Variants in SPTBN4 observed in about 807,000 individuals in gnomAD.
SPTBN4 encodes spectrin beta, non-erythrocytic 4.
A neutral mutation model predicts 277.8 loss-of-function variants in SPTBN4; 96 were observed. That is an observed-to-expected ratio of 0.35 (90% CI 0.29 to 0.41). The LOEUF (loss-of-function observed/expected upper bound fraction) is 0.41, where lower values mean the gene tolerates loss of function less well. Ranked by LOEUF, SPTBN4 falls within the 10% of genes least tolerant of loss-of-function variation. The pLI is 1.00. For missense variants in SPTBN4, 3,006 were observed against 3,595.7 expected, an observed-to-expected ratio of 0.84 and a Z score of 4.19; for synonymous variants, 1,481 against 1,580.3, an observed-to-expected ratio of 0.94 and a Z score of 1.49.
chr19:40,538,011 C>G (rs1828358371), intron 20 of SPTBN4, among the ~76,000 whole-genome samples: 1 of 152,188 alleles, frequency 6.6e-6, no homozygotes, highest in African/African-American at 2.4e-5. Context: ...TTGCTCCTCC[C>G]TAGCCAGAGA....
At chr19:40,474,886 C>T (rs2079929583) in intron 2 of SPTBN4, among the ~76,000 whole-genome samples, 1 of 152,028 alleles carries the variant, frequency 6.6e-6, no homozygotes, top group Non-Finnish European at 1.5e-5. Flanking sequence ...GAGCTTAACT[C>T]CGTCTCAAAA....
intron 7 of SPTBN4, among the ~76,000 whole-genome samples, chr19:40,501,526 G>A (rs1902921712): frequency 6.6e-6 from 1 of 152,074 alleles, no homozygotes; most frequent in Admixed American, 6.6e-5. Context: ...AAATTAGCCA[G>A]GCATGGTGGT....
intron 7 of SPTBN4, among the ~76,000 whole-genome samples, chr19:40,498,765 G>A (rs943849197): frequency 1.3e-5 from 2 of 151,506 alleles, no homozygotes; most frequent in African/African-American, 4.9e-5. Context: ...GCAGTGCCAT[G>A]ATCTCGGCTC....
At position 40,547,975 on chromosome 19, in the gene SPTBN4, C is replaced by T. The variant is rs1599792680; in HGVS notation, c.4360-1214C>T. On this transcript the variant is annotated intron_variant, in intron 20 of 35. Coordinates refer to ENST00000598249, the MANE Select transcript of SPTBN4 (RefSeq NM_020971.3). ...TACTCTGTTTAGGTCTTTAATCCAT[C>T]TGGAATTGTTTTCAGTACAAACAGC... 1.3e-5 allele frequency among the ~76,000 whole-genome samples: 2 copies of T among 152,298 alleles called. 1 individual carries two copies. The highest frequency in any genetic ancestry group is 6.8e-3 in the Middle Eastern group (2 of 294).
At position 40,575,531 on chromosome 19, in the gene SPTBN4, G is replaced by T; in HGVS notation, c.7657G>T (p.Glu2553Ter). 6.2e-7 allele frequency: 1 copy of T among 1,612,858 alleles called. No homozygotes were observed. Among genetic ancestry groups the T allele is most frequent in the Non-Finnish European group, 8.5e-7 (1 of 1,179,750 alleles). The change falls in exon 36 of 36, where the codon GAA becomes TAA. Residue 2553 changes from glutamate to a stop codon, truncating the protein, a stop_gained. Coordinates refer to ENST00000598249, the MANE Select transcript of SPTBN4 (RefSeq NM_020971.3). LOFTEE classifies it high-confidence loss of function. Reference protein sequence around the residue: ...SSTDEGNPKREGGDRRASGRR... With the variant: ...SSTDEGNPKR ...CACAGATGAGGGCAACCCTAAGAGGGAAGGCGGAGATCGCAGGGCCAGCGG... is the reference window on the plus strand; with the variant it reads ...CACAGATGAGGGCAACCCTAAGAGGTAAGGCGGAGATCGCAGGGCCAGCGG...
intron 22 of SPTBN4, among the ~76,000 whole-genome samples, chr19:40,553,371 G>A (rs557209650): frequency 2.6e-5 from 4 of 152,112 alleles, no homozygotes; most frequent in East Asian, 1.9e-4. Flanking sequence ...AGTCCCAGCC[G>A]CTTGGGAGGC....
rs2079899486 is a variant in SPTBN4 at position 40,472,707 on chromosome 19, A to G, written c.86A>G (p.Asp29Gly). The change falls in exon 2 of 36, where the codon GAT becomes GGT. Residue 29 changes from aspartate (D) to glycine (G), a missense_variant. Asp to Gly is a moderately conservative substitution (Grantham distance 94). Around this residue, in one of 5 missense-constraint regions of SPTBN4, gnomAD observed 78 missense variants for 65.7 expected, o/e 1.19. Transcript: ENST00000598249. ...NNPAARWESP[D>G]RGWEREQPAA... ...CCTGCTGCCCGCTGGGAGAGTCCGG[A>G]TCGGGGCTGGGAGCGGGAGCAGCCG... 5 of 1,612,928 alleles carry G rather than the reference A, an allele frequency of 3.1e-6. No homozygotes were observed. The highest frequency in any genetic ancestry group is 3.4e-6 in the Non-Finnish European group (4 of 1,179,610).
chr19:40,544,127 C>CTTTTTTTTTTTTTT (rs10618096), intron 20 of SPTBN4, among the ~76,000 whole-genome samples: 32 of 128,834 alleles, frequency 2.5e-4, no homozygotes, highest in East Asian at 6.6e-4. Flanking sequence ...TCTTCTTCCT[C>CTTTTTTTTTTTTTT]TTTTTTTTTT....
chr19:40,496,504 A>G (rs1316434444), intron 6 of SPTBN4, among the ~76,000 whole-genome samples: 1 of 151,926 alleles, frequency 6.6e-6, no homozygotes, highest in Non-Finnish European at 1.5e-5. Flanking sequence ...GGCTGGTTTC[A>G]AACTCCTGAC....
chr19:40,534,582 A>C (rs2080714303), intron 20 of SPTBN4: 1 of 548,678 alleles, frequency 1.8e-6, no homozygotes, highest in Non-Finnish European at 3.2e-6. Context: ...GCCACAAAGC[A>C]GTAGGTAAAT....
intron 17 of SPTBN4, among the ~76,000 whole-genome samples, chr19:40,526,700 T>C (rs549103690): frequency 2.6e-4 from 39 of 152,340 alleles, no homozygotes; most frequent in Admixed American, 1.6e-3. Context: ...TCCTCCTGCC[T>C]CAGCCTTCTG....
chr19:40,539,930 AT>A (rs35971790), intron 20 of SPTBN4, among the ~76,000 whole-genome samples: 64 of 147,180 alleles, frequency 4.3e-4, no homozygotes, highest in Non-Finnish European at 4.7e-4. Flanking sequence ...CAGGTCTTTA[AT>A]TTTTTTTTTT....
intron 18 of SPTBN4, among the ~76,000 whole-genome samples, chr19:40,531,415 C>T (rs997393760): frequency 2.2e-5 from 3 of 136,526 alleles, no homozygotes; most frequent in African/African-American, 8.2e-5. Context: ...TTGTCCTTGG[C>T]TATGACTGCA....
intron 31 of SPTBN4, 88 bp downstream of exon 31, chr19:40,568,370 G>A: frequency 1.4e-6 from 2 of 1,447,644 alleles, no homozygotes; most frequent in Non-Finnish European, 1.8e-6. Context: ...AAGGGCTTCA[G>A]GGCTCAGAAC....
In SPTBN4 at chr19:40,556,201, C is replaced by T; in HGVS notation, c.5202C>T (p.Arg1734=). ...AGTACTGGCTGTACCAGCTCAGCCG[C>T]CAGGTGAGCGAGCTTGAGCACTGGA... ...EQQYWLYQLS[R]QVSELEHWIA... is the part of the protein sequence containing the mutation. The change falls in exon 25 of 36, where the codon CGC becomes CGT. Residue 1734 remains arginine, a synonymous_variant. Coordinates refer to ENST00000598249, the MANE Select transcript of SPTBN4 (RefSeq NM_020971.3). 1 of 1,613,662 alleles carries T rather than the reference C, an allele frequency of 6.2e-7. No individual in the cohort carries two copies. Among genetic ancestry groups the T allele is most frequent in the Non-Finnish European group, 8.5e-7 (1 of 1,180,000 alleles).
At chr19:40,568,316 G>C in intron 31 of SPTBN4, 34 bp downstream of exon 31, 1 of 1,561,894 alleles carries the variant, frequency 6.4e-7, no homozygotes, top group Non-Finnish European at 8.7e-7. Context: ...GAAAGTGAGG[G>C]GAGGGGAAAG....
intron 1 of SPTBN4, among the ~76,000 whole-genome samples, chr19:40,470,161 G>T (rs906580882): frequency 4.0e-5 from 6 of 151,382 alleles, no homozygotes; most frequent in Non-Finnish European, 7.4e-5. Flanking sequence ...GCCATGCCTG[G>T]CTAATTTCTT....
intron 26 of SPTBN4, among the ~76,000 whole-genome samples, chr19:40,558,841 C>G (rs909906036): frequency 4.0e-5 from 6 of 151,610 alleles, no homozygotes; most frequent in African/African-American, 1.5e-4. Flanking sequence ...ATCCTGACCT[C>G]AGGTGATCTA....
chr19:40,472,575 C>A, intron 1 of SPTBN4, 32 bp from the exon 2 acceptor site: 1 of 1,559,086 alleles, frequency 6.4e-7, no homozygotes, highest in Non-Finnish European at 8.7e-7. Context: ...GAGACTTGAT[C>A]CTAGACCTAA....
Sources: allele counts gnomAD v4.1 joint callset (sites outside exome capture counted in the v4.1 genomes callset), GRCh38; gene constraint gnomAD v4.1.1; regional missense constraint gnomAD v4.1.1; transcripts MANE v1.5; gene names NCBI Gene and HGNC (gene_info 2026-07-23, HGNC 2026-07-21).